ZMYM4: variants seen among roughly 807,000 people sequenced by gnomAD.
The protein encoded by ZMYM4 is zinc finger MYM-type protein 4.
ZMYM4 carries 31 observed loss-of-function variants against 183.2 expected under a neutral mutation model. That is an observed-to-expected ratio of 0.17 (90% CI 0.13 to 0.23). The LOEUF (loss-of-function observed/expected upper bound fraction) is 0.23, where lower values mean the gene tolerates loss of function less well. ZMYM4 is among the 10% of genes least tolerant of loss of function. The pLI is 1.00. For missense variants in ZMYM4, 1,273 were observed against 1,840.3 expected, an observed-to-expected ratio of 0.69 and a Z score of 5.64; for synonymous variants, 592 against 631.2, an observed-to-expected ratio of 0.94 and a Z score of 0.93.
chr1:35,398,871 A>C lies in ZMYM4; in HGVS notation c.3261A>C (p.Gly1087=). ...LDTKIFEKDQ[G]STYSGDLESE... ...GTTATCTATATATTTCAGACCAAGGAAGTACATACAGTGGTGATCTTGAAT... is the reference window on the plus strand; with the variant it reads ...GTTATCTATATATTTCAGACCAAGGCAGTACATACAGTGGTGATCTTGAAT... The change falls in exon 22 of 30, where the codon GGA becomes GGC. Residue 1087 remains glycine, a synonymous_variant. Transcript: ENST00000314607. 6.2e-7 allele frequency: 1 copy of C among 1,614,042 alleles called. No individual in the cohort carries two copies.
chr1:35,417,253 A>G (rs1307089346), intron 28 of ZMYM4, among the ~76,000 whole-genome samples: 3 of 151,440 alleles, frequency 2.0e-5, no homozygotes, highest in Non-Finnish European at 4.4e-5. Flanking sequence ...AAAAAAAAAA[A>G]AGAAAGAAAA....
intron 2 of ZMYM4, among the ~76,000 whole-genome samples, chr1:35,344,513 T>A (rs978894972): frequency 2.0e-5 from 3 of 152,168 alleles, no homozygotes; most frequent in African/African-American, 4.8e-5. Context: ...ATCAAAGACC[T>A]TCTTTTCTCT....
chr1:35,407,306 G>A (rs950703824), intron 25 of ZMYM4, among the ~76,000 whole-genome samples: 1 of 151,882 alleles, frequency 6.6e-6, no homozygotes, highest in Non-Finnish European at 1.5e-5. Flanking sequence ...GGTGGTGCAC[G>A]GCTGACTCCC....
chr1:35,345,487 C>G (rs956493483), intron 2 of ZMYM4, among the ~76,000 whole-genome samples: 1 of 151,582 alleles, frequency 6.6e-6, no homozygotes, highest in African/African-American at 2.4e-5. Flanking sequence ...GTTTTTACTC[C>G]TGTTGCCCAG....
At chr1:35,370,849 T>G (rs1644192872) in intron 7 of ZMYM4, 1 of 464,734 alleles carries the variant, frequency 2.2e-6, no homozygotes, top group Non-Finnish European at 3.4e-6. Flanking sequence ...ATAATGTTAC[T>G]TTTATGTATT....
chr1:35,395,911 C>G (rs1334558861), intron 18 of ZMYM4, among the ~76,000 whole-genome samples: 2 of 152,166 alleles, frequency 1.3e-5, no homozygotes, highest in Non-Finnish European at 2.9e-5. Context: ...TGGAATAAAT[C>G]ATCCATCTTG....
chr1:35,379,359 A>G (rs539987758), intron 7 of ZMYM4, among the ~76,000 whole-genome samples: 1 of 152,158 alleles, frequency 6.6e-6, no homozygotes, highest in Non-Finnish European at 1.5e-5. Context: ...TCGACCTCCC[A>G]AAGTGCTGGG....
At chr1:35,370,963 G>T in intron 7 of ZMYM4, 1 of 184,254 alleles carries the variant, frequency 5.4e-6, no homozygotes, top group South Asian at 1.9e-4. Context: ...ATAACTATAG[G>T]CAATAGATAT....
At chr1:35,383,841 G>A (rs760614938) in intron 9 of ZMYM4, among the ~76,000 whole-genome samples, 41 of 152,246 alleles carry the variant, frequency 2.7e-4, no homozygotes, top group Non-Finnish European at 4.7e-4. Context: ...TAGACCTTAT[G>A]TTCAAATACA....
At chr1:35,357,484 G>A (rs1462535469) in intron 2 of ZMYM4, among the ~76,000 whole-genome samples, 1 of 152,220 alleles carries the variant, frequency 6.6e-6, no homozygotes, top group Non-Finnish European at 1.5e-5. Context: ...TGCTTCCTGA[G>A]TATCCATGTG....
chr1:35,309,073 G>A, intron 1 of ZMYM4: 1 of 984,332 alleles, frequency 1.0e-6, no homozygotes, highest in Non-Finnish European at 1.2e-6. Context: ...GTTTGAGAGA[G>A]GTTCTATAGC....
chr1:35,343,063 T>G (rs935144420), intron 2 of ZMYM4, among the ~76,000 whole-genome samples: 1 of 152,198 alleles, frequency 6.6e-6, no homozygotes, highest in Admixed American at 6.5e-5. Context: ...TCTCTGTGTC[T>G]GTCTCCATCA....
chr1:35,344,164 G>T (rs943269632), intron 2 of ZMYM4, among the ~76,000 whole-genome samples: 1 of 150,908 alleles, frequency 6.6e-6, no homozygotes, highest in African/African-American at 2.4e-5. Flanking sequence ...AGCGATTCTC[G>T]TGCCTCAGCC....
Position 35,419,533 on chromosome 1 carries a change from G to C in ZMYM4, c.4503G>C (p.Pro1501=). The change falls in exon 30 of 30, where the codon CCG becomes CCC. Residue 1501 remains proline, a synonymous_variant. Transcript: ENST00000314607. The stretch of plus-strand genomic sequence containing the variant: ...TTCAACCTGAGCGCTCCTGTGTCCC[G>C]AATAGCCCCATGTGGTACTCCACAT... The part of the protein sequence containing the change: ...FYLQPERSCV[P]NSPMWYSTFP... 1 of 1,613,598 alleles carries C rather than the reference G, an allele frequency of 6.2e-7. No individual in the cohort carries two copies. The highest frequency in any genetic ancestry group is 8.5e-7 in the Non-Finnish European group (1 of 1,179,946).
intron 2 of ZMYM4, among the ~76,000 whole-genome samples, chr1:35,327,978 C>T (rs1035503107): frequency 6.6e-5 from 10 of 152,120 alleles, no homozygotes; most frequent in African/African-American, 2.4e-4. Context: ...TACTCACTTT[C>T]GCCAAATAAT....
chr1:35,329,078 G>A (rs2148828306), intron 2 of ZMYM4, among the ~76,000 whole-genome samples: 1 of 152,256 alleles, frequency 6.6e-6, no homozygotes, highest in East Asian at 1.9e-4. Context: ...GCAAAATATA[G>A]TATTTACTAA....
chr1:35,288,330 G>C (rs1454828295), intron 1 of ZMYM4, among the ~76,000 whole-genome samples: 1 of 152,180 alleles, frequency 6.6e-6, no homozygotes, highest in Non-Finnish European at 1.5e-5. Flanking sequence ...TTATCTTTGA[G>C]GTAACAAGTT....
rs142704605 is a variant in ZMYM4, at chr1:35,373,604, A to G, written c.1181+2977A>G. Among the ~76,000 whole-genome samples, 140 of 143,814 alleles carry G rather than the reference A, an allele frequency of 9.7e-4. 1 individual carries two copies. In the East Asian group the frequency reaches 0.027, roughly 27 times the overall value. The allele number at this position is 143,814 out of a possible 152,430, so 94.3% of individuals were successfully genotyped here. On this transcript the variant is annotated intron_variant, in intron 7 of 29. Coordinates refer to ENST00000314607, the MANE Select transcript of ZMYM4 (RefSeq NM_005095.3). ...GAGATGGCGTTTCACCATGTTGGTC[A>G]GGCTGGTCTCAAACTCCTGACCTCC...
chr1:35,386,136 T>G lies in ZMYM4; in HGVS notation c.1783T>G (p.Ser595Ala). 1.2e-6 allele frequency: 2 copies of G among 1,614,062 alleles called. No individual in the cohort carries two copies. The highest frequency in any genetic ancestry group is 8.5e-7 in the Non-Finnish European group (1 of 1,179,962). The change falls in exon 11 of 30, where the codon TCA (serine) becomes GCA (alanine). Residue 595 changes from serine to alanine, a missense_variant. Physicochemically the swap from Ser to Ala is moderately conservative, Grantham distance 99. Transcript: ENST00000314607. ...AATTCCTCAGTATCACCTAGCCATG[T>G]CAGATGGAAGTATACGCAACTTCTG... ...SAIPQYHLAM[S>A]DGSIRNFCSY...
Sources: allele counts gnomAD v4.1 joint callset (sites outside exome capture counted in the v4.1 genomes callset), GRCh38; gene constraint gnomAD v4.1.1; transcripts MANE v1.5; gene names NCBI Gene and HGNC (gene_info 2026-07-23, HGNC 2026-07-21).